The following DNAJC5B variants were observed in gnomAD, a reference collection of about 807,000 sequenced individuals.
DNAJC5B encodes DnaJ heat shock protein family (Hsp40) member C5 beta.
DNAJC5B carries 23 observed loss-of-function variants against 24.7 expected under a neutral mutation model. The observed-to-expected ratio is 0.93, with a 90% CI of 0.67 to 1.32. The LOEUF (loss-of-function observed/expected upper bound fraction) is 1.32. Ranked by LOEUF, DNAJC5B falls within the 40% of genes most tolerant of loss-of-function variation. The pLI is 0.00. For synonymous variants in DNAJC5B, 101 were observed against 90.1 expected (o/e 1.12, Z -0.68); for missense variants, 238 against 240.8 (o/e 0.99, Z 0.08).
At chr8:66,093,911 G>A (rs889559001) in intron 5 of DNAJC5B, among the ~76,000 whole-genome samples, 2 of 152,072 alleles carry the variant, frequency 1.3e-5, no homozygotes, top group Non-Finnish European at 2.9e-5. Flanking sequence ...AGTATGATGT[G>A]GGACTCCAAT....
chr8:66,048,127 C>A (rs900861814), intron 2 of DNAJC5B, among the ~76,000 whole-genome samples: 1 of 152,180 alleles, frequency 6.6e-6, no homozygotes, highest in Admixed American at 6.5e-5. Context: ...GAAGGCCCCC[C>A]ACTAGCCACC....
At chr8:66,061,968 C>T (rs371092657) in intron 3 of DNAJC5B, among the ~76,000 whole-genome samples, 23 of 151,852 alleles carry the variant, frequency 1.5e-4, no homozygotes, top group East Asian at 1.4e-3. Flanking sequence ...GGGGCGCAGC[C>T]GAGCCCCTTC....
chr8:66,059,689 CAGGGCGTGGG>C (rs1807039757), intron 3 of DNAJC5B, among the ~76,000 whole-genome samples: 1 of 152,184 alleles, frequency 6.6e-6, no homozygotes, highest in Admixed American at 6.5e-5. Flanking sequence ...GGAAGTCTCC[CAGGGCGTGGG>C]AGGCAGTTCA....
chr8:66,060,920 G>A (rs1264441078), intron 3 of DNAJC5B, among the ~76,000 whole-genome samples: 2 of 152,196 alleles, frequency 1.3e-5, no homozygotes, highest in Non-Finnish European at 1.5e-5. Flanking sequence ...ATAGGGCCAG[G>A]GGAAGGGGGA....
intron 1 of DNAJC5B, among the ~76,000 whole-genome samples, chr8:66,040,899 G>T (rs1806593645): frequency 6.6e-6 from 1 of 152,062 alleles, no homozygotes; most frequent in African/African-American, 2.4e-5. Context: ...CTTTAAAAGG[G>T]ACTTTTTTTT....
At chr8:66,073,792 T>C (rs1807403998) in intron 3 of DNAJC5B, among the ~76,000 whole-genome samples, 2 of 152,146 alleles carry the variant, frequency 1.3e-5, no homozygotes, top group Admixed American at 1.3e-4. Flanking sequence ...TAAGTGAGAT[T>C]AGACATCTAC....
chr8:66,034,127 T>A (rs1806424939), intron 1 of DNAJC5B, among the ~76,000 whole-genome samples: 1 of 152,048 alleles, frequency 6.6e-6, no homozygotes, highest in African/African-American at 2.4e-5. Flanking sequence ...AATGACCCTA[T>A]GTGAACACAC....
At chr8:66,069,709 T>G (rs528469771) in intron 3 of DNAJC5B, among the ~76,000 whole-genome samples, 16 of 152,326 alleles carry the variant, frequency 1.1e-4, no homozygotes, top group Non-Finnish European at 1.6e-4. Flanking sequence ...ACTCATTTTA[T>G]GAGGCCAGCA....
intron 2 of DNAJC5B, among the ~76,000 whole-genome samples, chr8:66,046,642 T>C (rs868300773): frequency 6.6e-6 from 1 of 152,232 alleles, no homozygotes; most frequent in African/African-American, 2.4e-5. Flanking sequence ...CTCTCATCCA[T>C]AAAATGAGAT....
At chr8:66,047,570 T>A (rs1806747960) in intron 2 of DNAJC5B, among the ~76,000 whole-genome samples, 2 of 152,318 alleles carry the variant, frequency 1.3e-5, no homozygotes, top group South Asian at 4.1e-4. Flanking sequence ...TGTCCCTAAG[T>A]ACCGATAACA....
rs556152871 is a variant in DNAJC5B, at chr8:66,022,637, A to G, written c.-142+932A>G. 2.0e-5 allele frequency among the ~76,000 whole-genome samples: 3 copies of G among 152,362 alleles called. No individual in the cohort carries two copies. In the East Asian group the frequency reaches 5.8e-4, roughly 29 times the overall value. ...TTCTCTATCCACAGGACACAACTCT[A>G]ACTCTCCTTGGCCTCCAACACATCA... On this transcript the variant is annotated intron_variant, in intron 1 of 5. Transcript: ENST00000276570.
Position 66,101,208 on chromosome 8 carries a change from G to A in DNAJC5B, c.*1177G>A, listed in dbSNP as rs1397620850. 6.6e-6 allele frequency among the ~76,000 whole-genome samples: 1 copy of A among 152,110 alleles called. No homozygotes were observed. The highest frequency in any genetic ancestry group is 6.6e-5 in the Admixed American group (1 of 15,264). ...ATTGTAAGTGAGAATTAGTGTTATA[G>A]CTCTGATAGTTCTGAGGTCATTAAA... On this transcript the variant is annotated 3_prime_UTR_variant, in exon 6 of 6. Transcript: ENST00000276570.
At position 66,035,106 on chromosome 8, in the gene DNAJC5B, G is replaced by A. The variant is rs1056996782; in HGVS notation, c.-141-8382G>A. Among the ~76,000 whole-genome samples, 11 of 152,202 alleles carry A rather than the reference G, an allele frequency of 7.2e-5. 1 individual carries two copies. The highest frequency in any genetic ancestry group is 5.9e-4 in the Admixed American group (9 of 15,278). ...TGCTGAATTTTCAGGAGTTTTGCAAGCCAGGTGTTATGTTGATAGCTTGAA... is the reference window on the plus strand; with the variant it reads ...TGCTGAATTTTCAGGAGTTTTGCAAACCAGGTGTTATGTTGATAGCTTGAA... On this transcript the variant is annotated intron_variant, in intron 1 of 5. Coordinates refer to ENST00000276570, the MANE Select transcript of DNAJC5B (RefSeq NM_033105.6).
chr8:66,021,671 C>A lies in DNAJC5B; in HGVS notation c.-176C>A, dbSNP rs896281572. On this transcript the variant is annotated 5_prime_UTR_variant, in exon 1 of 6. Coordinates refer to ENST00000276570, the MANE Select transcript of DNAJC5B (RefSeq NM_033105.6). ...ATTGCTAAGCTCAGAACAGGACTTG[C>A]CAGTGTCTAGATGAAAAAGAGGAGA... 6.6e-6 allele frequency: 1 copy of A among 152,260 alleles called. No individual in the cohort carries two copies. The highest frequency in any genetic ancestry group is 6.5e-5 in the Admixed American group (1 of 15,274). 9.4% of individuals were successfully genotyped at this position (152,260 alleles called of 1,614,324 possible). A position where few individuals can be genotyped will look rare whatever the true frequency, so the allele number is the denominator to read the frequency against.
intron 3 of DNAJC5B, among the ~76,000 whole-genome samples, chr8:66,056,177 C>T (rs1806958252): frequency 6.6e-6 from 1 of 152,086 alleles, no homozygotes; most frequent in African/African-American, 2.4e-5. Flanking sequence ...AAAGATAACC[C>T]AGGCCCAGCT....
intron 1 of DNAJC5B, among the ~76,000 whole-genome samples, chr8:66,034,899 T>C (rs979376912): frequency 6.6e-6 from 1 of 152,170 alleles, no homozygotes. Context: ...TGAAATTGGA[T>C]ATGAATTACA....
chr8:66,075,425 C>T (rs1009583152), intron 3 of DNAJC5B, among the ~76,000 whole-genome samples: 8 of 151,870 alleles, frequency 5.3e-5, no homozygotes, highest in African/African-American at 1.7e-4. Context: ...GTGAGAATTC[C>T]AGGAATATTA....
chr8:66,061,799 TAAA>T (rs1807088318), intron 3 of DNAJC5B, among the ~76,000 whole-genome samples: 1 of 152,106 alleles, frequency 6.6e-6, no homozygotes, highest in African/African-American at 2.4e-5. Flanking sequence ...GATGCCAAGT[TAAA>T]AATGTTGAAG....
chr8:66,053,818 G>A (rs1806904827), intron 3 of DNAJC5B, among the ~76,000 whole-genome samples: 1 of 151,968 alleles, frequency 6.6e-6, no homozygotes, highest in Non-Finnish European at 1.5e-5. Context: ...TAGTAGAGAC[G>A]GGGTTTCTCC....
Sources: gnomAD v4.1 joint callset for allele counts (sites outside exome capture counted in the v4.1 genomes callset) on GRCh38, gnomAD v4.1.1 for gene constraint, MANE v1.5 for transcripts, NCBI Gene and HGNC (gene_info 2026-07-23, HGNC 2026-07-21) for gene names.